The following ZNF875 variants were observed in gnomAD, a reference collection of about 807,000 sequenced individuals.
The protein encoded by ZNF875 is zinc finger protein 875.
Under a neutral mutation model 11.2 loss-of-function variants are expected in ZNF875, and 14 were observed. That is an observed-to-expected ratio of 1.26 (90% CI 0.83 to 1.96). The LOEUF is 1.96. ZNF875 is among the 30% of genes most tolerant of loss of function. The pLI, the probability that ZNF875 is intolerant of heterozygous loss-of-function variation, is 0.00. For synonymous variants in ZNF875, 301 were observed against 281.1 expected (o/e 1.07, Z -0.71); for missense variants, 752 against 760.4 (o/e 0.99, Z 0.13).
chr19:37,352,671 T>C (rs951733515), intron 4 of ZNF875, among the ~76,000 whole-genome samples: 1 of 152,168 alleles, frequency 6.6e-6, no homozygotes, highest in African/African-American at 2.4e-5. Context: ...TTGATTTTTT[T>C]CTTCTTTATC....
At chr19:37,343,546 T>G (rs972059277) in intron 2 of ZNF875, among the ~76,000 whole-genome samples, 2 of 152,134 alleles carry the variant, frequency 1.3e-5, no homozygotes, top group African/African-American at 4.8e-5. Flanking sequence ...GTCTGGTGGT[T>G]GACAGCTTGG....
At chr19:37,349,260 T>A (rs960577113) in intron 4 of ZNF875, among the ~76,000 whole-genome samples, 1 of 152,200 alleles carries the variant, frequency 6.6e-6, no homozygotes, top group Non-Finnish European at 1.5e-5. Context: ...AATAAGTTCA[T>A]CTTTTGAGAT....
intron 4 of ZNF875, among the ~76,000 whole-genome samples, chr19:37,326,719 G>GT (rs2032520931): frequency 7.5e-6 from 1 of 133,570 alleles, no homozygotes; most frequent in African/African-American, 2.8e-5. Context: ...CCAGACTGGA[G>GT]TGCAGTGGCG....
rs1028500140 is a variant in ZNF875 at position 37,347,854 on chromosome 19, C to G, written c.238C>G (p.Pro80Ala). The G allele has an allele frequency of 4.4e-6, 7 of 1,603,944 alleles. No individual in the cohort carries two copies. The highest frequency in any genetic ancestry group is 6.0e-6 in the Non-Finnish European group (7 of 1,170,866). ...EAPWREERKC[P>A]LDLCPESKPE... The stretch of plus-strand genomic sequence containing the variant: ...GCCCTGGAGAGAGGAGAGAAAATGT[C>G]CACTGGACCTCTGTCCAGGTGAGTG... The change falls in exon 4 of 5, where the codon CCA (proline) becomes GCA (alanine). Residue 80 changes from proline to alanine, a missense_variant. Transcript: ENST00000392153.
intron 4 of ZNF875, chr19:37,359,877 T>G (rs1014977348): frequency 6.6e-6 from 1 of 152,274 alleles, no homozygotes; most frequent in Non-Finnish European, 1.5e-5. Context: ...TGTCTGTGGC[T>G]TATCTTTTCA....
In ZNF875 at chr19:37,363,829, C is replaced by A; in HGVS notation, c.*54C>A. The A allele has an allele frequency of 7.0e-7, 1 of 1,436,364 alleles. No individual in the cohort carries two copies. Among genetic ancestry groups the A allele is most frequent in the Non-Finnish European group, 9.7e-7 (1 of 1,028,424 alleles). 89.0% of individuals were successfully genotyped at this position (1,436,364 alleles called of 1,614,324 possible). ...CAGCCTTTAGCCAGGAGTCATACTTCATCAGACACCAGAGGACACACACAG... is the reference window on the plus strand; with the variant it reads ...CAGCCTTTAGCCAGGAGTCATACTTAATCAGACACCAGAGGACACACACAG... On this transcript the variant is annotated 3_prime_UTR_variant, in exon 5 of 5. Coordinates refer to ENST00000392153, the MANE Select transcript of ZNF875 (RefSeq NM_001353803.2).
chr19:37,348,873 AG>A (rs1412828312), intron 4 of ZNF875, among the ~76,000 whole-genome samples: 3 of 152,186 alleles, frequency 2.0e-5, no homozygotes, highest in African/African-American at 7.2e-5. Flanking sequence ...TATTCTCCAA[AG>A]TTGTTGTATT....
At chr19:37,361,186 C>G (rs1055486457) in intron 4 of ZNF875, among the ~76,000 whole-genome samples, 1 of 147,516 alleles carries the variant, frequency 6.8e-6, no homozygotes, top group Non-Finnish European at 1.5e-5. Flanking sequence ...TCTCAGCTCA[C>G]TGCAACGTCC....
chr19:37,363,359 G>T lies in ZNF875; in HGVS notation c.1507G>T (p.Glu503Ter). ...CACGCACCAGAGGACACACTCAGGG[G>T]AGAAGCCATTTGTATGTGCTGAGTG... ...LSTHQRTHSG[E>*]KPFVCAECGR... Residue 503 changes from glutamate to a stop codon, truncating the protein, a stop_gained, in exon 5 of 5, where the codon GAG becomes TAG. Coordinates refer to ENST00000392153, the MANE Select transcript of ZNF875 (RefSeq NM_001353803.2). LOFTEE classifies it low-confidence loss of function (END_TRUNC). The T allele has an allele frequency of 6.2e-7, 1 of 1,612,742 alleles. No homozygotes were observed. Among genetic ancestry groups the T allele is most frequent in the Non-Finnish European group, 8.5e-7 (1 of 1,179,232 alleles).
chr19:37,330,777 C>G (rs1298378469), upstream of ZNF875, among the ~76,000 whole-genome samples: 2 of 152,166 alleles, frequency 1.3e-5, no homozygotes, highest in African/African-American at 4.8e-5. Context: ...GTAATTCCCT[C>G]TCTTCCCACC....
intron 1 of ZNF875, among the ~76,000 whole-genome samples, chr19:37,321,357 T>C (rs1376190118): frequency 6.6e-6 from 1 of 152,226 alleles, no homozygotes; most frequent in East Asian, 1.9e-4. Flanking sequence ...GATTTTTATG[T>C]ATGTGCACAT....
intron 1 of ZNF875, 153 bp downstream of exon 1, chr19:37,334,935 G>A (rs2034001932): frequency 2.2e-6 from 1 of 450,426 alleles, no homozygotes; most frequent in Non-Finnish European, 4.2e-6. Flanking sequence ...CAGGGTTAGA[G>A]ATAAACCCTC....
chr19:37,363,647 C>T lies in ZNF875; in HGVS notation c.1795C>T (p.Arg599Trp), dbSNP rs183513467. 3.0e-4 allele frequency: 488 copies of T among 1,613,282 alleles called. 1 individual carries two copies. Among genetic ancestry groups the T allele is most frequent in the South Asian group, 3.5e-4 (32 of 90,992 alleles). Residue 599 changes from arginine (R) to tryptophan (W), a missense_variant, in exon 5 of 5, where the codon CGG becomes TGG. Physicochemically the swap from Arg to Trp is moderately radical, Grantham distance 101 (BLOSUM62 -3). Transcript: ENST00000392153. ...VCRECGQGFSRQSHLIRHQRT... is the reference protein window; with the variant it reads ...VCRECGQGFSWQSHLIRHQRT... ...CAGGGAGTGTGGGCAAGGCTTTAGC[C>T]GGCAGTCACACCTCATTAGACACCA...
intron 1 of ZNF875, chr19:37,318,209 C>T (rs1441044430): frequency 2.0e-5 from 3 of 152,908 alleles, no homozygotes; most frequent in Admixed American, 2.0e-4. Flanking sequence ...CTTTTTCAGC[C>T]CACTCGGGTA....
upstream of ZNF875, among the ~76,000 whole-genome samples, chr19:37,314,364 C>T (rs1383869204): frequency 2.0e-5 from 3 of 152,170 alleles, no homozygotes; most frequent in Admixed American, 6.5e-5. Context: ...GATACTCCCA[C>T]CTTGGCCTCC....
At chr19:37,318,195 G>C (rs1017133057) in intron 1 of ZNF875, 2 of 153,234 alleles carry the variant, frequency 1.3e-5, no homozygotes, top group Non-Finnish European at 2.9e-5. Flanking sequence ...AGGTAAAAAC[G>C]GGACTTTTTC....
At chr19:37,326,255 G>T (rs1192861092) in intron 4 of ZNF875, among the ~76,000 whole-genome samples, 1 of 152,214 alleles carries the variant, frequency 6.6e-6, no homozygotes, top group Non-Finnish European at 1.5e-5. Context: ...CATGTGGCAA[G>T]TGCCTGCCTT....
At chr19:37,321,138 T>G (rs1397361259) in intron 1 of ZNF875, among the ~76,000 whole-genome samples, 1 of 152,136 alleles carries the variant, frequency 6.6e-6, no homozygotes, top group Non-Finnish European at 1.5e-5. Context: ...GTTTCTCCCC[T>G]TGTGATGGTC....
At chr19:37,359,466 T>G in intron 4 of ZNF875, 1 of 289,858 alleles carries the variant, frequency 3.4e-6, no homozygotes, top group Non-Finnish European at 7.0e-6. Flanking sequence ...TACAGTGGTG[T>G]TATATCGGCT....
Sources: gnomAD v4.1 joint callset for allele counts (sites outside exome capture counted in the v4.1 genomes callset) on GRCh38, gnomAD v4.1.1 for gene constraint, MANE v1.5 for transcripts, NCBI Gene and HGNC (gene_info 2026-07-23, HGNC 2026-07-21) for gene names.